The following PDSS2 variants were observed in gnomAD, a reference collection of about 807,000 sequenced individuals.
PDSS2 encodes the protein decaprenyl diphosphate synthase subunit 2, also known as all trans-polyprenyl-diphosphate synthase PDSS2.
A neutral mutation model predicts 44.5 loss-of-function variants in PDSS2; 31 were observed. The observed-to-expected ratio is 0.70, with a 90% CI of 0.52 to 0.94. PDSS2 has a LOEUF of 0.94. PDSS2 is among the 40% of genes least tolerant of loss of function. The pLI, the probability that PDSS2 is intolerant of heterozygous loss-of-function variation, is 0.00. For missense variants in PDSS2, 452 were observed against 482.2 expected (o/e 0.94, Z 0.59); for synonymous variants, 157 against 180.3 (o/e 0.87, Z 1.03).
chr6:107,187,083 T>C (rs984952109), intron 7 of PDSS2, among the ~76,000 whole-genome samples: 4 of 152,128 alleles, frequency 2.6e-5, no homozygotes, highest in African/African-American at 9.7e-5. Flanking sequence ...TGAGATGCAT[T>C]GCCAAGAGTC....
intron 2 of PDSS2, among the ~76,000 whole-genome samples, chr6:107,309,532 A>G (rs564904512): frequency 6.6e-6 from 1 of 152,314 alleles, no homozygotes; most frequent in South Asian, 2.1e-4. Flanking sequence ...GTCTTGGCCT[A>G]CCTTAAGCCT....
chr6:107,410,802 C>T (rs986475836), intron 1 of PDSS2, among the ~76,000 whole-genome samples: 2 of 151,994 alleles, frequency 1.3e-5, no homozygotes, highest in African/African-American at 4.8e-5. Context: ...GGCATCTACC[C>T]TGTTTTTTTT....
intron 1 of PDSS2, among the ~76,000 whole-genome samples, chr6:107,389,820 AAAAC>A (rs949225898): frequency 2.7e-5 from 4 of 148,874 alleles, no homozygotes; most frequent in African/African-American, 4.9e-5. Flanking sequence ...ATTAAAAACA[AAAAC>A]AAACAAACAA....
chr6:107,259,224 T>C (rs1775130219), intron 3 of PDSS2, among the ~76,000 whole-genome samples: 1 of 152,244 alleles, frequency 6.6e-6, no homozygotes, highest in South Asian at 2.1e-4. Flanking sequence ...ATAAAGTTTC[T>C]AATTTCAGTG....
intron 1 of PDSS2, among the ~76,000 whole-genome samples, chr6:107,364,027 C>A (rs577103892): frequency 6.6e-6 from 1 of 150,808 alleles, no homozygotes; most frequent in East Asian, 2.0e-4. Flanking sequence ...AGGTTCTCCA[C>A]GTCCTCACCA....
intron 6 of PDSS2, among the ~76,000 whole-genome samples, chr6:107,209,814 G>A (rs1250870911): frequency 3.3e-5 from 5 of 152,098 alleles, no homozygotes; most frequent in Admixed American, 1.3e-4. Context: ...TTACAGCCAC[G>A]AAGTTAAATA....
At chr6:107,157,532 C>A (rs1184136166) in intron 7 of PDSS2, among the ~76,000 whole-genome samples, 1 of 151,968 alleles carries the variant, frequency 6.6e-6, no homozygotes, top group Non-Finnish European at 1.5e-5. Flanking sequence ...GCTGTCTCCC[C>A]CACCCCAACA....
At chr6:107,446,682 C>T (rs1284756184) in intron 1 of PDSS2, among the ~76,000 whole-genome samples, 1 of 152,166 alleles carries the variant, frequency 6.6e-6, no homozygotes, top group Non-Finnish European at 1.5e-5. Flanking sequence ...CACCTCTTCA[C>T]AGGCCAGCAG....
At position 107,414,340 on chromosome 6, in the gene PDSS2, T is replaced by A. The variant is rs1195231605; in HGVS notation, c.296+44650A>T. 4.6e-5 allele frequency among the ~76,000 whole-genome samples: 7 copies of A among 152,306 alleles called. No homozygotes were observed. In the East Asian group the frequency reaches 1.2e-3, roughly 25 times the overall value. On this transcript the variant is annotated intron_variant, in intron 1 of 7. Coordinates refer to ENST00000369037, the MANE Select transcript of PDSS2 (RefSeq NM_020381.4). ...GTTCTTGAATAATTCACACAAAGAATGCACAGATCCAGAAAATACTGCCAA... is the reference window on the plus strand; with the variant it reads ...GTTCTTGAATAATTCACACAAAGAAAGCACAGATCCAGAAAATACTGCCAA...
intron 1 of PDSS2, among the ~76,000 whole-genome samples, chr6:107,396,678 CTTTT>C (rs950671310): frequency 1.1e-4 from 9 of 79,330 alleles, no homozygotes; most frequent in African/African-American, 1.8e-4. Context: ...CTTCTTTTTT[CTTTT>C]TTTTTTTTTT....
intron 1 of PDSS2, among the ~76,000 whole-genome samples, chr6:107,408,402 C>A (rs1349151609): frequency 6.6e-6 from 1 of 152,166 alleles, no homozygotes; most frequent in Non-Finnish European, 1.5e-5. Context: ...TCTAATTTAT[C>A]TGGAGAGAAA....
At chr6:107,199,903 CA>C (rs1772711041) in intron 6 of PDSS2, among the ~76,000 whole-genome samples, 1 of 152,058 alleles carries the variant, frequency 6.6e-6, no homozygotes, top group East Asian at 1.9e-4. Context: ...CCATATAGAA[CA>C]ATGGCATATT....
At chr6:107,240,571 T>A (rs576187625) in intron 4 of PDSS2, among the ~76,000 whole-genome samples, 5 of 152,144 alleles carry the variant, frequency 3.3e-5, no homozygotes, top group African/African-American at 1.2e-4. Flanking sequence ...GCTTTTTTTG[T>A]ATTTTTAGTA....
intron 4 of PDSS2, among the ~76,000 whole-genome samples, chr6:107,240,558 C>A (rs2114780162): frequency 1.3e-5 from 2 of 152,100 alleles, no homozygotes; most frequent in South Asian, 4.2e-4. Flanking sequence ...ACCACCAAGC[C>A]CAGCTTTTTT....
chr6:107,340,505 T>C (rs995859613), intron 1 of PDSS2, among the ~76,000 whole-genome samples: 4 of 152,212 alleles, frequency 2.6e-5, no homozygotes, highest in African/African-American at 9.7e-5. Flanking sequence ...TTTCTATTTA[T>C]CCTCTTAAAT....
At chr6:107,418,248 AAG>A (rs1294126876) in intron 1 of PDSS2, among the ~76,000 whole-genome samples, 1 of 152,194 alleles carries the variant, frequency 6.6e-6, no homozygotes, top group African/African-American at 2.4e-5. Context: ...GGGTGCTCAA[AAG>A]AGGAAGGCAG....
intron 3 of PDSS2, among the ~76,000 whole-genome samples, chr6:107,272,873 G>A (rs556061510): frequency 3.3e-5 from 5 of 152,224 alleles, no homozygotes; most frequent in Non-Finnish European, 5.9e-5. Context: ...GTAAGAGATC[G>A]CTTGAGCCCA....
At position 107,336,873 on chromosome 6, in the gene PDSS2, TGTGTGTG is replaced by T. The variant is rs1777915893; in HGVS notation, c.297-2548_297-2542del. On this transcript the variant is annotated intron_variant, in intron 1 of 7. Coordinates refer to ENST00000369037, the MANE Select transcript of PDSS2 (RefSeq NM_020381.4). ...GTGTGTGTGTGTGTGTGTGTGTGTG[TGTGTGTG>T]TTCGGGGCTGGGCCTGGTCAGGGAT... 3.7e-5 allele frequency among the ~76,000 whole-genome samples: 3 copies of T among 80,430 alleles called. No individual in the cohort carries two copies. In the South Asian group the frequency reaches 1.4e-3, roughly 38 times the overall value. The allele number at this position is 80,430 out of a possible 152,430, so 52.8% of individuals were successfully genotyped here. A position where few individuals can be genotyped will look rare whatever the true frequency, so the allele number is the denominator to read the frequency against.
intron 1 of PDSS2, among the ~76,000 whole-genome samples, chr6:107,453,264 C>T (rs1010068929): frequency 6.6e-6 from 1 of 151,984 alleles, no homozygotes; most frequent in African/African-American, 2.4e-5. Flanking sequence ...TGCACCCGGC[C>T]GTGATATTAT....
Sources: allele counts gnomAD v4.1 joint callset (sites outside exome capture counted in the v4.1 genomes callset), GRCh38; gene constraint gnomAD v4.1.1; transcripts MANE v1.5; gene names NCBI Gene and HGNC (gene_info 2026-07-23, HGNC 2026-07-21).